GMCL1: variants seen among roughly 807,000 people sequenced by gnomAD.
GMCL1 encodes germ cell-less 1, spermatogenesis associated.
Under a neutral mutation model 75.5 loss-of-function variants are expected in GMCL1, and 54 were observed. The observed-to-expected ratio is 0.71, with a 90% CI of 0.57 to 0.90. GMCL1 has a LOEUF of 0.90. Ranked by LOEUF, GMCL1 falls within the 40% of genes least tolerant of loss-of-function variation. The pLI is 0.00. For missense variants in GMCL1, 537 were observed against 622.7 expected (o/e 0.86, Z 1.47); for synonymous variants, 210 against 209.6 (o/e 1.00, Z -0.02).
At position 69,861,266 on chromosome 2, in the gene GMCL1, C is replaced by T; in HGVS notation, c.1073-12C>T. The T allele has an allele frequency of 6.4e-7, 1 of 1,560,528 alleles. No homozygotes were observed. The highest frequency in any genetic ancestry group is 8.8e-7 in the Non-Finnish European group (1 of 1,138,444). On this transcript the variant is annotated splice_polypyrimidine_tract_variant and intron_variant, in intron 9 of 13. Coordinates refer to ENST00000282570, the MANE Select transcript of GMCL1 (RefSeq NM_178439.5). The stretch of plus-strand genomic sequence containing the variant: ...CGTTATTTATTATTATTAATTTATT[C>T]TTACATTTCAGAATGGCTCTCTTCT...
intron 11 of GMCL1, among the ~76,000 whole-genome samples, chr2:69,866,579 C>T (rs945137325): frequency 6.6e-6 from 1 of 152,122 alleles, no homozygotes; most frequent in Non-Finnish European, 1.5e-5. Context: ...AAGCAACAGT[C>T]TCTGGAGTAG....
intron 13 of GMCL1, among the ~76,000 whole-genome samples, chr2:69,877,922 C>T (rs1014696896): frequency 1.3e-5 from 2 of 152,070 alleles, no homozygotes; most frequent in Admixed American, 1.3e-4. Flanking sequence ...GTATCTTATC[C>T]AAAATAAATA....
chr2:69,872,517 G>A (rs1359681239), intron 13 of GMCL1, among the ~76,000 whole-genome samples: 1 of 152,220 alleles, frequency 6.6e-6, no homozygotes, highest in East Asian at 1.9e-4. Context: ...ATTATGAGAA[G>A]TTAGTAGTTT....
Position 69,830,076 on chromosome 2 carries a change from T to C in GMCL1, c.184T>C (p.Cys62Arg). The change falls in exon 1 of 14, where the codon TGT (cysteine) becomes CGT (arginine). Residue 62 changes from cysteine to arginine, a missense_variant. By Grantham distance (180) the Cys-to-Arg change is radical (BLOSUM62 -3). Around this residue, in one of 3 missense-constraint regions of GMCL1, gnomAD observed 144 missense variants for 127.2 expected, o/e 1.13. Coordinates refer to ENST00000282570, the MANE Select transcript of GMCL1 (RefSeq NM_178439.5). Reference protein sequence around the residue: ...RKRSSGSFCYCHPDSETDEDE... With the variant: ...RKRSSGSFCYRHPDSETDEDE... Reference sequence around the variant, plus strand: ...GCGGAGCAGCGGGTCCTTCTGCTACTGTCACCCTGACTCGGAGACGGACGA... The same window carrying C: ...GCGGAGCAGCGGGTCCTTCTGCTACCGTCACCCTGACTCGGAGACGGACGA... 5 of 1,575,882 alleles carry C rather than the reference T, an allele frequency of 3.2e-6. No homozygotes were observed. The highest frequency in any genetic ancestry group is 4.3e-6 in the Non-Finnish European group (5 of 1,160,116).
At chr2:69,844,574 A>T in intron 6 of GMCL1, 1 of 147,514 alleles carries the variant, frequency 6.8e-6, no homozygotes. Flanking sequence ...ACCTTCAAAA[A>T]CTTTTCATGT....
chr2:69,861,205 C>A, intron 9 of GMCL1, 73 bp from the exon 10 acceptor site: 1 of 1,094,168 alleles, frequency 9.1e-7, no homozygotes, highest in East Asian at 2.6e-5. Context: ...ACAATTTTGT[C>A]AACTATGAAT....
Position 69,844,174 on chromosome 2 carries a change from G to A in GMCL1, c.736G>A (p.Val246Ile). The change falls in exon 6 of 14, where the codon GTT (valine) becomes ATT (isoleucine). Residue 246 changes from valine to isoleucine, a missense_variant. Physicochemically the swap from Val to Ile is conservative, Grantham distance 29. Around this residue, in one of 3 missense-constraint regions of GMCL1, gnomAD observed 345 missense variants for 410.5 expected, o/e 0.84. Coordinates refer to ENST00000282570, the MANE Select transcript of GMCL1 (RefSeq NM_178439.5). ...LLNNLMTHQNVELFKELSINV... is the reference protein window; with the variant it reads ...LLNNLMTHQNIELFKELSINV... ...AAACAATTTGATGACTCACCAGAATGTTGAACTTTTTAAAGAACTCAGGTA... is the reference window on the plus strand; with the variant it reads ...AAACAATTTGATGACTCACCAGAATATTGAACTTTTTAAAGAACTCAGGTA... The A allele has an allele frequency of 6.4e-7, 1 of 1,570,676 alleles. No homozygotes were observed. The highest frequency in any genetic ancestry group is 1.2e-5 in the South Asian group (1 of 84,078).
chr2:69,843,049 C>G (rs1481593485), intron 4 of GMCL1, 100 bp from the exon 5 acceptor site: 49 of 350,644 alleles, frequency 1.4e-4, no homozygotes, highest in East Asian at 4.0e-4. Flanking sequence ...TCTTTTCTTT[C>G]TTCTTTTTTT....
At chr2:69,865,967 G>A (rs1675804679) in intron 11 of GMCL1, among the ~76,000 whole-genome samples, 1 of 152,050 alleles carries the variant, frequency 6.6e-6, no homozygotes, top group Non-Finnish European at 1.5e-5. Flanking sequence ...AAAACTGATT[G>A]TGGCTGGGCA....
At chr2:69,875,268 C>T (rs1032051544) in intron 13 of GMCL1, among the ~76,000 whole-genome samples, 1 of 152,018 alleles carries the variant, frequency 6.6e-6, no homozygotes, top group African/African-American at 2.4e-5. Flanking sequence ...TTTGAAATGC[C>T]TTATTGTACA....
At position 69,866,249 on chromosome 2, in the gene GMCL1, G is replaced by GA. The variant is rs57495632; in HGVS notation, c.1218+1289dup. Among the ~76,000 whole-genome samples, 1,107 of 133,210 alleles carry GA rather than the reference G, an allele frequency of 8.3e-3. 7 individuals carry two copies. Among genetic ancestry groups the GA allele is most frequent in the African/African-American group, 0.02 (770 of 37,716 alleles). 87.4% of individuals were successfully genotyped at this position (133,210 alleles called of 152,430 possible). A position where few individuals can be genotyped will look rare whatever the true frequency, so the allele number is the denominator to read the frequency against. On this transcript the variant is annotated intron_variant, in intron 11 of 13. Coordinates refer to ENST00000282570, the MANE Select transcript of GMCL1 (RefSeq NM_178439.5). ...GTGACAGAGCGAGTCTCCATCTCAA[G>GA]AAAAAAAAAAAAAAACTGATTGTAT... is the stretch of plus-strand genomic sequence containing the variant.
chr2:69,836,454 A>G (rs111902813), intron 1 of GMCL1, among the ~76,000 whole-genome samples: 9,846 of 152,240 alleles, frequency 0.065, 861 homozygotes, highest in Admixed American at 0.21. Flanking sequence ...TGAAGTGGAT[A>G]CTATTAATGT....
chr2:69,868,083 T>C (rs1675872681), intron 11 of GMCL1, among the ~76,000 whole-genome samples: 1 of 152,204 alleles, frequency 6.6e-6, no homozygotes, highest in South Asian at 2.1e-4. Context: ...TGTACTGGAC[T>C]CTATCCATGC....
intron 10 of GMCL1, 59 bp downstream of exon 10, chr2:69,861,406 G>A (rs1675643353): frequency 3.9e-6 from 4 of 1,028,542 alleles, no homozygotes; most frequent in Admixed American, 2.1e-5. Context: ...ATTTTTTAAT[G>A]CATTCATTAT....
At chr2:69,860,755 AC>A (rs1244843859) in intron 9 of GMCL1, among the ~76,000 whole-genome samples, 1 of 152,180 alleles carries the variant, frequency 6.6e-6, no homozygotes, top group African/African-American at 2.4e-5. Context: ...AAGCTGTAAA[AC>A]CTTTACCACT....
intron 6 of GMCL1, chr2:69,845,007 C>T (rs1206329877): frequency 6.2e-6 from 1 of 161,018 alleles, no homozygotes; most frequent in Non-Finnish European, 1.4e-5. Context: ...AAACCTAGAC[C>T]TATAATCCCA....
intron 13 of GMCL1, among the ~76,000 whole-genome samples, chr2:69,874,558 C>T (rs1676069734): frequency 6.6e-6 from 1 of 151,328 alleles, no homozygotes. Flanking sequence ...CCTTAATTTT[C>T]AATTTTCATT....
intron 1 of GMCL1, among the ~76,000 whole-genome samples, chr2:69,837,105 G>A (rs1248778247): frequency 1.3e-5 from 2 of 152,166 alleles, no homozygotes; most frequent in Non-Finnish European, 2.9e-5. Context: ...TACTTGGGTA[G>A]GTGAAATGTT....
chr2:69,864,778 C>A, intron 10 of GMCL1, 122 bp from the exon 11 acceptor site: 1 of 630,782 alleles, frequency 1.6e-6, no homozygotes, highest in Non-Finnish European at 2.8e-6. Flanking sequence ...TTATTTTTAT[C>A]TGTACCACAA....
Sources: gnomAD v4.1 joint callset for allele counts (sites outside exome capture counted in the v4.1 genomes callset) on GRCh38, gnomAD v4.1.1 for gene constraint, gnomAD v4.1.1 regional missense constraint, MANE v1.5 for transcripts, NCBI Gene and HGNC (gene_info 2026-07-23, HGNC 2026-07-21) for gene names.